The following GLMN variants were observed in gnomAD, a reference collection of about 807,000 sequenced individuals.
The protein encoded by GLMN is glomulin.
Under a neutral mutation model 87.8 loss-of-function variants are expected in GLMN, and 75 were observed. The observed-to-expected ratio is 0.85, with a 90% CI of 0.71 to 1.04. The LOEUF (loss-of-function observed/expected upper bound fraction) is 1.04. Ranked by LOEUF, GLMN falls within the 50% of genes least tolerant of loss-of-function variation. The pLI, the probability that GLMN is intolerant of heterozygous loss-of-function variation, is 0.00. For missense variants in GLMN, 588 were observed against 658.8 expected, an observed-to-expected ratio of 0.89 and a Z score of 1.18; for synonymous variants, 206 against 221.6, an observed-to-expected ratio of 0.93 and a Z score of 0.63.
chr1:92,307,354 G>A, the GLMN span: 3 of 950,892 alleles, frequency 3.2e-6, no homozygotes, highest in South Asian at 1.7e-5. Context: ...TTAGCTGAGA[G>A]TAAGTCTAGT....
chr1:92,289,977 A>G (rs185674305), intron 5 of GLMN, among the ~76,000 whole-genome samples: 39 of 152,374 alleles, frequency 2.6e-4, no homozygotes, highest in Admixed American at 2.2e-3. Context: ...GAAAAATAGT[A>G]TGACATTCAA....
chr1:92,358,957 G>C, the GLMN span, among the ~76,000 whole-genome samples: 10 of 152,202 alleles, frequency 6.6e-5, no homozygotes, highest in African/African-American at 1.9e-4. Context: ...CTTGACCTCA[G>C]GCTATCATCC....
At position 92,283,726 on chromosome 1, in the gene GLMN, G is replaced by A. The variant is rs373700274; in HGVS notation, c.735+2764C>T. ...GATTGTATATTTAGAAAACCCCATCGTCTCAGCCCAAAATCTCCTTAAGCT... is the reference window on the plus strand; with the variant it reads ...GATTGTATATTTAGAAAACCCCATCATCTCAGCCCAAAATCTCCTTAAGCT... On this transcript the variant is annotated intron_variant, in intron 7 of 18. Coordinates refer to ENST00000370360, the MANE Select transcript of GLMN (RefSeq NM_053274.3). Among the ~76,000 whole-genome samples, 43 of 152,230 alleles carry A rather than the reference G, an allele frequency of 2.8e-4. 1 individual carries two copies. The East Asian group carries it at 6.2e-3, about 22-fold the overall frequency.
the GLMN span, among the ~76,000 whole-genome samples, chr1:92,353,467 C>CTTATG: frequency 6.6e-6 from 1 of 152,094 alleles, no homozygotes; most frequent in Non-Finnish European, 1.5e-5. Flanking sequence ...ACATCAATTT[C>CTTATG]TTATGTTTTA....
At chr1:92,349,506 C>G in the GLMN span, among the ~76,000 whole-genome samples, 1 of 152,058 alleles carries the variant, frequency 6.6e-6, no homozygotes, top group East Asian at 1.9e-4. Flanking sequence ...ACATGATAGT[C>G]CAGGATAACA....
At chr1:92,347,408 C>A in the GLMN span, among the ~76,000 whole-genome samples, 1 of 152,138 alleles carries the variant, frequency 6.6e-6, no homozygotes, top group Non-Finnish European at 1.5e-5. Context: ...TGTAGTTCTG[C>A]AATTCATTAT....
chr1:92,291,602 C>T (rs1035130745), intron 3 of GLMN, 65 bp from the exon 4 acceptor site: 8 of 1,531,050 alleles, frequency 5.2e-6, no homozygotes, highest in Non-Finnish European at 7.2e-6. Flanking sequence ...GTGTGCTTTC[C>T]TATCTTGGAA....
chr1:92,260,025 A>T (rs868369383), intron 16 of GLMN, among the ~76,000 whole-genome samples: 2 of 151,668 alleles, frequency 1.3e-5, no homozygotes, highest in East Asian at 3.9e-4. Context: ...GTGAGCCACC[A>T]CGCCCAGCCC....
intron 9 of GLMN, 93 bp from the exon 10 acceptor site, chr1:92,268,228 AAC>A (rs1297390553): frequency 1.4e-6 from 1 of 717,026 alleles, no homozygotes; most frequent in Non-Finnish European, 2.5e-6. Flanking sequence ...CTGAAATTTT[AAC>A]ACTTTTAAAA....
chr1:92,313,366 C>T, the GLMN span, among the ~76,000 whole-genome samples: 3 of 152,118 alleles, frequency 2.0e-5, no homozygotes, highest in Admixed American at 6.5e-5. Context: ...GAAAACAACA[C>T]TAATCTTGTA....
At chr1:92,340,913 T>C in the GLMN span, among the ~76,000 whole-genome samples, 1 of 152,236 alleles carries the variant, frequency 6.6e-6, no homozygotes, top group African/African-American at 2.4e-5. Flanking sequence ...AATTAAAATT[T>C]ATTTTTACAC....
intron 16 of GLMN, among the ~76,000 whole-genome samples, chr1:92,255,586 G>T (rs1381128159): frequency 6.6e-6 from 1 of 152,092 alleles, no homozygotes; most frequent in African/African-American, 2.4e-5. Context: ...TGCAATCAAA[G>T]TAGAACTCAG....
intron 7 of GLMN, among the ~76,000 whole-genome samples, chr1:92,285,470 G>A (rs1239505033): frequency 2.6e-5 from 4 of 152,258 alleles, no homozygotes; most frequent in Non-Finnish European, 5.9e-5. Context: ...GTTGGGGCGT[G>A]GGGGGCTGGG....
At chr1:92,307,156 GAAA>G in the GLMN span, 1 of 1,479,542 alleles carries the variant, frequency 6.8e-7, no homozygotes, top group South Asian at 1.2e-5. Context: ...TTCATGATAA[GAAA>G]AAAACTAGAT....
chr1:92,252,854 A>T (rs1353333008), intron 16 of GLMN, among the ~76,000 whole-genome samples: 1 of 152,240 alleles, frequency 6.6e-6, no homozygotes, highest in Non-Finnish European at 1.5e-5. Context: ...TTCATACCCA[A>T]GGAGGCTTAC....
chr1:92,263,617 C>A lies in GLMN; in HGVS notation c.1409+6G>T. ...ACTATGTGAACTTTGGTAATGGTCA[C>A]CTCACCTATCTGAGTTTTGCAGTAA... On this transcript the variant is annotated splice_donor_region_variant and intron_variant, in intron 15 of 18. Transcript: ENST00000370360. The A allele has an allele frequency of 8.2e-7, 1 of 1,226,528 alleles. No homozygotes were observed. The highest frequency in any genetic ancestry group is 1.2e-6 in the Non-Finnish European group (1 of 825,692). 76.0% of individuals were successfully genotyped at this position (1,226,528 alleles called of 1,614,324 possible). A position where few individuals can be genotyped will look rare whatever the true frequency, so the allele number is the denominator to read the frequency against.
the GLMN span, among the ~76,000 whole-genome samples, chr1:92,347,789 A>G: frequency 6.6e-6 from 1 of 152,210 alleles, no homozygotes; most frequent in South Asian, 2.1e-4. Context: ...TTTGGATATA[A>G]TGTAGGGAAC....
chr1:92,321,381 C>T, the GLMN span, among the ~76,000 whole-genome samples: 3 of 152,146 alleles, frequency 2.0e-5, no homozygotes, highest in Non-Finnish European at 4.4e-5. Flanking sequence ...AGGCTAGATT[C>T]TAACTAAAAG....
At chr1:92,319,341 T>C in the GLMN span, among the ~76,000 whole-genome samples, 4 of 152,372 alleles carry the variant, frequency 2.6e-5, no homozygotes, top group South Asian at 8.3e-4. Context: ...CTGTGTGATT[T>C]TGGGCAAATT....
Sources: gnomAD v4.1 joint callset for allele counts (sites outside exome capture counted in the v4.1 genomes callset) on GRCh38, gnomAD v4.1.1 for gene constraint, MANE v1.5 for transcripts, NCBI Gene and HGNC (gene_info 2026-07-23, HGNC 2026-07-21) for gene names.